The following SAMD12 variants were observed in gnomAD, a reference collection of about 807,000 sequenced individuals.
SAMD12 encodes the protein sterile alpha motif domain containing 12.
A neutral mutation model predicts 15.0 loss-of-function variants in SAMD12; 9 were observed. That is an observed-to-expected ratio of 0.60 (90% CI 0.36 to 1.05). The LOEUF is 1.05. Ranked by LOEUF, SAMD12 falls within the 50% of genes least tolerant of loss-of-function variation. SAMD12 has a pLI of 0.01. For missense variants in SAMD12, 230 were observed against 234.2 expected (o/e 0.98, Z 0.12); for synonymous variants, 86 against 90.1 (o/e 0.96, Z 0.25).
intron 2 of SAMD12, among the ~76,000 whole-genome samples, chr8:118,510,646 A>G (rs1416332235): frequency 6.6e-6 from 1 of 152,180 alleles, no homozygotes; most frequent in Non-Finnish European, 1.5e-5. Context: ...TCAGTGAGCA[A>G]AGGGGGCATC....
intron 2 of SAMD12, among the ~76,000 whole-genome samples, chr8:118,488,994 T>A (rs1473392448): frequency 1.3e-5 from 2 of 152,248 alleles, no homozygotes; most frequent in Non-Finnish European, 2.9e-5. Context: ...GTGTGAAAGT[T>A]CCAGTTGGTT....
At chr8:118,528,920 G>A (rs11994740) in intron 2 of SAMD12, among the ~76,000 whole-genome samples, 88,118 of 151,866 alleles carry the variant, frequency 0.58, 25,872 homozygotes, top group South Asian at 0.7. Context: ...TCAATATGGT[G>A]TCATGCAGGG....
Position 118,472,557 on chromosome 8 carries a change from C to T in SAMD12, c.193-32596G>A, listed in dbSNP as rs576888898. Among the ~76,000 whole-genome samples the T allele has an allele frequency of 2.6e-5, 4 of 152,164 alleles. No individual in the cohort carries two copies. The South Asian group carries it at 8.3e-4, about 32-fold the overall frequency. On this transcript the variant is annotated intron_variant, in intron 2 of 3. Coordinates refer to ENST00000314727, the MANE Select transcript of SAMD12 (RefSeq NM_207506.3). ...GGGCATGGCAGCCTGCGCCTGTATT[C>T]CCAGCTACTTGGGAGGCTGAGGTGG...
intron 3 of SAMD12, among the ~76,000 whole-genome samples, chr8:118,417,509 CTAATT>C (rs1821758727): frequency 1.3e-5 from 2 of 152,040 alleles, no homozygotes. Flanking sequence ...TTAATGAACA[CTAATT>C]TAAAGATAAT....
chr8:118,226,362 G>A lies in SAMD12; in HGVS notation c.434-28630C>T, dbSNP rs764804175. ...CATACCGAACCCAGATTTCAGCAAT[G>A]AAATTTCTAGCAGAACATGGATAAG... On this transcript the variant is annotated intron_variant, in intron 4 of 4. Transcript: ENST00000409003. 2.6e-5 allele frequency among the ~76,000 whole-genome samples: 4 copies of A among 152,304 alleles called. 1 individual carries two copies. The highest frequency in any genetic ancestry group is 4.8e-5 in the African/African-American group (2 of 41,572).
chr8:118,353,600 G>A (rs183248583), intron 4 of SAMD12, among the ~76,000 whole-genome samples: 1 of 152,222 alleles, frequency 6.6e-6, no homozygotes, highest in East Asian at 1.9e-4. Context: ...AGATTTCTGT[G>A]GTTTAAGTTA....
At chr8:118,490,603 T>C (rs1459053379) in intron 2 of SAMD12, among the ~76,000 whole-genome samples, 1 of 152,176 alleles carries the variant, frequency 6.6e-6, no homozygotes, top group African/African-American at 2.4e-5. Flanking sequence ...TCTCTTCTCT[T>C]TCTCCCTCTC....
intron 4 of SAMD12, among the ~76,000 whole-genome samples, chr8:118,218,154 T>A (rs2129854363): frequency 6.6e-6 from 1 of 152,328 alleles, no homozygotes; most frequent in Admixed American, 6.5e-5. Context: ...GCTTAAACTC[T>A]TATTATCAAG....
At chr8:118,200,353 G>A (rs11562802) in intron 4 of SAMD12, among the ~76,000 whole-genome samples, 17,544 of 146,018 alleles carry the variant, frequency 0.12, 1,272 homozygotes, top group African/African-American at 0.19. Context: ...GTAGGCTTCC[G>A]TGTTTATCCA....
chr8:118,201,671 T>C (rs1039802619), intron 4 of SAMD12, among the ~76,000 whole-genome samples: 10 of 152,232 alleles, frequency 6.6e-5, no homozygotes, highest in Non-Finnish European at 1.5e-4. Flanking sequence ...CAGTAACTAA[T>C]GTTGCATGAG....
intron 4 of SAMD12, among the ~76,000 whole-genome samples, chr8:118,353,486 C>T (rs190800012): frequency 1.2e-4 from 18 of 152,000 alleles, no homozygotes; most frequent in South Asian, 2.1e-4. Context: ...TGCTCTCCTC[C>T]GTGTGAGGCA....
At chr8:118,293,048 T>A (rs577330080) in intron 4 of SAMD12, among the ~76,000 whole-genome samples, 2 of 148,486 alleles carry the variant, frequency 1.3e-5, no homozygotes, top group African/African-American at 5.0e-5. Context: ...ACTTAAAGTA[T>A]AATAATAAAA....
At chr8:118,186,095 T>C (rs142041180), downstream of SAMD12, among the ~76,000 whole-genome samples, 174 of 152,314 alleles carry the variant, frequency 1.1e-3, no homozygotes, top group Middle Eastern at 6.8e-3. Flanking sequence ...ATGTGTATGA[T>C]TATTTCTTGC....
chr8:118,526,948 T>C (rs941691943), intron 2 of SAMD12, among the ~76,000 whole-genome samples: 2 of 152,212 alleles, frequency 1.3e-5, no homozygotes, highest in South Asian at 4.1e-4. Flanking sequence ...ACTAGTCATA[T>C]CAAACAAACT....
At chr8:118,470,382 A>C (rs902861961) in intron 2 of SAMD12, among the ~76,000 whole-genome samples, 15 of 152,192 alleles carry the variant, frequency 9.9e-5, no homozygotes, top group Middle Eastern at 3.4e-3. Flanking sequence ...GACTAAACTT[A>C]GCTGCTTTGG....
chr8:118,621,539 T>A (rs1828406568), intron 1 of SAMD12: 3 of 491,242 alleles, frequency 6.1e-6, no homozygotes, highest in Non-Finnish European at 1.1e-5. Context: ...TTCCAGGATA[T>A]CGTTTCGCAT....
At chr8:118,618,462 C>T (rs2460971) in intron 1 of SAMD12, among the ~76,000 whole-genome samples, 137,579 of 152,220 alleles carry the variant, frequency 0.9, 62,254 homozygotes, top group Middle Eastern at 0.97. Flanking sequence ...ATAGCTTTTC[C>T]TAAGAGAAGG....
At chr8:118,542,039 A>T (rs1826001879) in intron 2 of SAMD12, among the ~76,000 whole-genome samples, 1 of 152,186 alleles carries the variant, frequency 6.6e-6, no homozygotes, top group Non-Finnish European at 1.5e-5. Flanking sequence ...GGGATAAACC[A>T]AAGAAAGGTG....
At chr8:118,333,315 T>C (rs1449544156) in intron 4 of SAMD12, among the ~76,000 whole-genome samples, 1 of 152,140 alleles carries the variant, frequency 6.6e-6, no homozygotes, top group East Asian at 1.9e-4. Context: ...GTTTGCTGTG[T>C]TATGGCGCTC....
Sources: gnomAD v4.1 joint callset for allele counts (sites outside exome capture counted in the v4.1 genomes callset) on GRCh38, gnomAD v4.1.1 for gene constraint, MANE v1.5 for transcripts, NCBI Gene and HGNC (gene_info 2026-07-23, HGNC 2026-07-21) for gene names.